GBE1: variants seen among roughly 807,000 people sequenced by gnomAD.
The protein encoded by GBE1 is 1,4-alpha-glucan-branching enzyme.
A neutral mutation model predicts 88.8 loss-of-function variants in GBE1; 70 were observed. The observed-to-expected ratio is 0.79, with a 90% CI of 0.65 to 0.96. The LOEUF is 0.96. Among genes scored for constraint, GBE1 ranks in the 40% least tolerant of loss-of-function variants. The pLI, the probability that GBE1 is intolerant of heterozygous loss-of-function variation, is 0.00. For missense variants in GBE1, 872 were observed against 871.0 expected (o/e 1.00, Z -0.01); for synonymous variants, 284 against 300.1 (o/e 0.95, Z 0.56).
At chr3:81,670,009 T>C (rs1705167706) in intron 3 of GBE1, among the ~76,000 whole-genome samples, 1 of 152,166 alleles carries the variant, frequency 6.6e-6, no homozygotes, top group Non-Finnish European at 1.5e-5. Flanking sequence ...AACTCAATCA[T>C]AGGATTTATC....
At chr3:81,700,164 T>C (rs147731640) in intron 2 of GBE1, among the ~76,000 whole-genome samples, 66 of 152,248 alleles carry the variant, frequency 4.3e-4, no homozygotes, top group African/African-American at 1.5e-3. Context: ...TTGTAAGCCA[T>C]CAAAATGTTG....
intron 7 of GBE1, among the ~76,000 whole-genome samples, chr3:81,609,785 C>A (rs1704148168): frequency 6.6e-6 from 1 of 152,072 alleles, no homozygotes; most frequent in South Asian, 2.1e-4. Context: ...AATGGTCAAA[C>A]CTACTTTGGA....
At chr3:81,520,210 T>C (rs1559631828) in intron 14 of GBE1, among the ~76,000 whole-genome samples, 1 of 151,538 alleles carries the variant, frequency 6.6e-6, no homozygotes, top group African/African-American at 2.4e-5. Context: ...TACTGTGTTT[T>C]TTTCAAATTG....
At chr3:81,530,593 T>C (rs1702998691) in intron 14 of GBE1, among the ~76,000 whole-genome samples, 1 of 152,018 alleles carries the variant, frequency 6.6e-6, no homozygotes, top group Non-Finnish European at 1.5e-5. Context: ...TTGATGGTCT[T>C]AGTTAAGATC....
intron 7 of GBE1, among the ~76,000 whole-genome samples, chr3:81,604,475 C>T (rs1704078520): frequency 1.3e-5 from 2 of 151,534 alleles, no homozygotes; most frequent in African/African-American, 4.8e-5. Flanking sequence ...TGTGTAGAGG[C>T]AGGGTTTTGT....
At chr3:81,557,902 A>G (rs1703368698) in intron 12 of GBE1, among the ~76,000 whole-genome samples, 1 of 152,016 alleles carries the variant, frequency 6.6e-6, no homozygotes, top group Non-Finnish European at 1.5e-5. Flanking sequence ...TGAGGAGTCA[A>G]ACTGAACCAA....
chr3:81,552,556 C>T (rs1703286692), intron 12 of GBE1, among the ~76,000 whole-genome samples: 1 of 123,708 alleles, frequency 8.1e-6, no homozygotes, highest in Non-Finnish European at 1.7e-5. Flanking sequence ...AGAAGGCTGT[C>T]AAAATAAACA....
intron 1 of GBE1, among the ~76,000 whole-genome samples, chr3:81,741,916 C>T (rs1319854714): frequency 1.3e-5 from 2 of 148,700 alleles, no homozygotes; most frequent in Admixed American, 6.7e-5. Context: ...TTTAGCCCTC[C>T]ACCTCCCCAT....
intron 7 of GBE1, among the ~76,000 whole-genome samples, chr3:81,627,254 T>C (rs1704430418): frequency 6.6e-6 from 1 of 152,178 alleles, no homozygotes; most frequent in South Asian, 2.1e-4. Context: ...ATATTCTAAT[T>C]TGGGAGAATT....
At chr3:81,710,372 C>CT (rs1705845907) in intron 1 of GBE1, among the ~76,000 whole-genome samples, 1 of 150,518 alleles carries the variant, frequency 6.6e-6, no homozygotes, top group Non-Finnish European at 1.5e-5. Context: ...GCAGCTGGGA[C>CT]TACAGGCACC....
At chr3:81,587,673 A>C (rs1703819476) in intron 9 of GBE1, among the ~76,000 whole-genome samples, 1 of 152,150 alleles carries the variant, frequency 6.6e-6, no homozygotes, top group African/African-American at 2.4e-5. Context: ...TTGTTCACCG[A>C]TATACCCTAA....
intron 12 of GBE1, among the ~76,000 whole-genome samples, chr3:81,573,018 C>T (rs963147836): frequency 6.6e-6 from 1 of 152,042 alleles, no homozygotes; most frequent in Non-Finnish European, 1.5e-5. Flanking sequence ...TGAGGTCATC[C>T]TATGCATAAA....
chr3:81,653,275 G>A (rs1576186535), intron 3 of GBE1, among the ~76,000 whole-genome samples: 1 of 152,118 alleles, frequency 6.6e-6, no homozygotes, highest in East Asian at 1.9e-4. Flanking sequence ...ACCAGCCTGG[G>A]CAACATAAGG....
chr3:81,529,757 T>C (rs1702989774), intron 14 of GBE1, among the ~76,000 whole-genome samples: 1 of 152,082 alleles, frequency 6.6e-6, no homozygotes, highest in Non-Finnish European at 1.5e-5. Context: ...ATCCTTGGCC[T>C]TTGGGAAATT....
At chr3:81,644,886 T>C (rs1188356582) in intron 6 of GBE1, among the ~76,000 whole-genome samples, 1 of 152,108 alleles carries the variant, frequency 6.6e-6, no homozygotes, top group African/African-American at 2.4e-5. Context: ...GATTTTTTAA[T>C]AGCTAGCGTG....
intron 14 of GBE1, among the ~76,000 whole-genome samples, chr3:81,505,740 C>T (rs970558185): frequency 6.6e-6 from 1 of 151,598 alleles, no homozygotes; most frequent in Non-Finnish European, 1.5e-5. Context: ...GTGTCGTGGT[C>T]GGGGGGTGTG....
intron 2 of GBE1, among the ~76,000 whole-genome samples, chr3:81,675,080 A>G (rs917026222): frequency 1.3e-5 from 2 of 151,960 alleles, no homozygotes; most frequent in African/African-American, 4.8e-5. Flanking sequence ...TGCATTTCTA[A>G]AAAGGTCATA....
At chr3:81,597,465 A>T (rs1703972900) in intron 7 of GBE1, among the ~76,000 whole-genome samples, 1 of 138,814 alleles carries the variant, frequency 7.2e-6, no homozygotes, top group Non-Finnish European at 1.5e-5. Flanking sequence ...TATCTCAAAT[A>T]TATATATATA....
At chr3:81,680,220 G>A (rs1306087314) in intron 2 of GBE1, among the ~76,000 whole-genome samples, 1 of 152,206 alleles carries the variant, frequency 6.6e-6, no homozygotes, top group Non-Finnish European at 1.5e-5. Context: ...TCGGCTGGGT[G>A]CAGTGGCTCA....
Sources: allele counts gnomAD v4.1 joint callset (sites outside exome capture counted in the v4.1 genomes callset), GRCh38; gene constraint gnomAD v4.1.1; transcripts MANE v1.5; gene names NCBI Gene and HGNC (gene_info 2026-07-23, HGNC 2026-07-21).